The following TMEM117 variants were observed in gnomAD, a reference collection of about 807,000 sequenced individuals.
TMEM117 encodes the protein transmembrane protein 117.
Under a neutral mutation model 52.4 loss-of-function variants are expected in TMEM117, and 27 were observed. The observed-to-expected ratio is 0.51, with a 90% CI of 0.38 to 0.71. The LOEUF (loss-of-function observed/expected upper bound fraction) is 0.71, where lower values mean the gene tolerates loss of function less well. TMEM117 is among the 30% of genes least tolerant of loss of function. TMEM117 has a pLI of 0.00. For synonymous variants in TMEM117, 215 were observed against 206.3 expected (o/e 1.04, Z -0.36); for missense variants, 556 against 630.5 (o/e 0.88, Z 1.26).
At chr12:44,365,167 T>C (rs1419974784) in intron 6 of TMEM117, among the ~76,000 whole-genome samples, 1 of 152,058 alleles carries the variant, frequency 6.6e-6, no homozygotes, top group Non-Finnish European at 1.5e-5. Context: ...TAAATGCATA[T>C]CTCAGCCTGC....
intron 6 of TMEM117, among the ~76,000 whole-genome samples, chr12:44,353,109 T>C (rs1951589609): frequency 6.6e-6 from 1 of 152,260 alleles, no homozygotes. Context: ...GAGCGGTGTC[T>C]GTTCATATCC....
intron 4 of TMEM117, among the ~76,000 whole-genome samples, chr12:44,201,962 T>C (rs759864971): frequency 2.6e-5 from 4 of 152,086 alleles, no homozygotes; most frequent in Non-Finnish European, 5.9e-5. Flanking sequence ...TGTGGTATCT[T>C]TATATCATGT....
At chr12:43,845,213 C>A (rs890625745) in intron 2 of TMEM117, among the ~76,000 whole-genome samples, 2 of 151,864 alleles carry the variant, frequency 1.3e-5, no homozygotes, top group Admixed American at 1.3e-4. Flanking sequence ...GTAATCCCAC[C>A]AATTTGGGAG....
At chr12:44,227,307 T>C (rs973545317) in intron 5 of TMEM117, among the ~76,000 whole-genome samples, 2 of 152,058 alleles carry the variant, frequency 1.3e-5, no homozygotes, top group African/African-American at 4.8e-5. Context: ...ACCCCATCTC[T>C]ACAGAAATTA....
chr12:44,074,621 G>A (rs2137992714), intron 3 of TMEM117, among the ~76,000 whole-genome samples: 1 of 152,198 alleles, frequency 6.6e-6, no homozygotes, highest in South Asian at 2.1e-4. Flanking sequence ...AGATGAATGA[G>A]GCTTTAATTC....
Position 43,934,618 on chromosome 12 carries a change from C to T in TMEM117, c.278-9592C>T, listed in dbSNP as rs576055019. ...TATTTTCCTTTTTTTTATAGAACCT[C>T]TTTTGAATTTCACATTGTAATCTTT... On this transcript the variant is annotated intron_variant, in intron 2 of 7. Transcript: ENST00000266534. Among the ~76,000 whole-genome samples, 40 of 152,120 alleles carry T rather than the reference C, an allele frequency of 2.6e-4. 1 individual carries two copies. Among genetic ancestry groups the T allele is most frequent in the African/African-American group, 6.3e-4 (26 of 41,512 alleles).
intron 4 of TMEM117, among the ~76,000 whole-genome samples, chr12:44,190,699 A>C (rs570327931): frequency 5.3e-5 from 8 of 152,100 alleles, no homozygotes; most frequent in African/African-American, 1.7e-4. Flanking sequence ...CCCAGCCCTC[A>C]TCCAGTTTCT....
chr12:43,921,642 A>T (rs1360707050), intron 2 of TMEM117, among the ~76,000 whole-genome samples: 1 of 152,154 alleles, frequency 6.6e-6, no homozygotes, highest in Non-Finnish European at 1.5e-5. Context: ...CTCATATATT[A>T]AATTTGTTAT....
intron 3 of TMEM117, among the ~76,000 whole-genome samples, chr12:44,103,064 C>T (rs1399541999): frequency 6.6e-6 from 1 of 151,958 alleles, no homozygotes. Context: ...TTATAAATTA[C>T]CCAGTCCTGG....
chr12:43,812,803 G>A, the TMEM117 span, among the ~76,000 whole-genome samples: 11 of 149,752 alleles, frequency 7.3e-5, no homozygotes, highest in East Asian at 1.8e-3. Flanking sequence ...GAAGGAGTTC[G>A]AGACCAGCCT....
chr12:44,012,298 C>T (rs962685356), intron 3 of TMEM117, among the ~76,000 whole-genome samples: 2 of 151,280 alleles, frequency 1.3e-5, no homozygotes, highest in Admixed American at 6.6e-5. Context: ...CTTGTTCTGC[C>T]TGGTGTTCTG....
intron 4 of TMEM117, among the ~76,000 whole-genome samples, chr12:44,203,813 G>A (rs1290567909): frequency 2.0e-5 from 3 of 152,168 alleles, no homozygotes; most frequent in African/African-American, 7.2e-5. Context: ...GTTTGAGAGT[G>A]TAGTTGGTAT....
chr12:44,072,707 C>T (rs1337666712), intron 3 of TMEM117, among the ~76,000 whole-genome samples: 1 of 152,120 alleles, frequency 6.6e-6, no homozygotes, highest in Non-Finnish European at 1.5e-5. Flanking sequence ...TTCTCCATTC[C>T]ACAAATGTTT....
chr12:44,100,854 T>G (rs1314190725), intron 3 of TMEM117, among the ~76,000 whole-genome samples: 3 of 149,424 alleles, frequency 2.0e-5, no homozygotes, highest in African/African-American at 7.5e-5. Flanking sequence ...TCTGTGCTAC[T>G]GCTTGTCCAA....
intron 4 of TMEM117, among the ~76,000 whole-genome samples, chr12:44,152,754 T>C (rs1269119501): frequency 7.2e-6 from 1 of 139,146 alleles, no homozygotes; most frequent in Non-Finnish European, 1.5e-5. Flanking sequence ...ATTATATTTA[T>C]AATGTATATA....
intron 3 of TMEM117, among the ~76,000 whole-genome samples, chr12:44,052,005 G>A (rs1273619861): frequency 6.6e-6 from 1 of 152,152 alleles, no homozygotes; most frequent in Non-Finnish European, 1.5e-5. Context: ...TGCAATATTG[G>A]TAAGCTATTT....
At chr12:43,988,928 G>C (rs1230343569) in intron 3 of TMEM117, among the ~76,000 whole-genome samples, 1 of 152,098 alleles carries the variant, frequency 6.6e-6, no homozygotes, top group Non-Finnish European at 1.5e-5. Flanking sequence ...CTAAGTTGTA[G>C]ATAGGAAATA....
intron 3 of TMEM117, among the ~76,000 whole-genome samples, chr12:43,971,032 T>C (rs1433589745): frequency 6.6e-6 from 1 of 152,166 alleles, no homozygotes; most frequent in Non-Finnish European, 1.5e-5. Flanking sequence ...CTCTGTTCCA[T>C]ATCAACAAAT....
At chr12:43,875,105 C>A (rs561669682) in intron 2 of TMEM117, among the ~76,000 whole-genome samples, 2 of 152,114 alleles carry the variant, frequency 1.3e-5, no homozygotes, top group African/African-American at 4.8e-5. Flanking sequence ...AGATACAAGT[C>A]GCCCAAAATT....
Sources: gnomAD v4.1 joint callset for allele counts (sites outside exome capture counted in the v4.1 genomes callset) on GRCh38, gnomAD v4.1.1 for gene constraint, MANE v1.5 for transcripts, NCBI Gene and HGNC (gene_info 2026-07-23, HGNC 2026-07-21) for gene names.